The following NXPE2 variants were observed in gnomAD, a reference collection of about 807,000 sequenced individuals.
NXPE2 encodes the protein NXPE family member 2.
A neutral mutation model predicts 34.4 loss-of-function variants in NXPE2; 34 were observed. The observed-to-expected ratio is 0.99, with a 90% CI of 0.75 to 1.31. The LOEUF (loss-of-function observed/expected upper bound fraction) is 1.31, where lower values mean the gene tolerates loss of function less well. NXPE2 is among the 40% of genes most tolerant of loss of function. NXPE2 has a pLI of 0.00. For missense variants in NXPE2, 649 were observed against 672.5 expected, an observed-to-expected ratio of 0.97 and a Z score of 0.39; for synonymous variants, 235 against 231.3, an observed-to-expected ratio of 1.02 and a Z score of -0.15.
chr11:114,579,007 T>G, the NXPE2 span, among the ~76,000 whole-genome samples: 1 of 152,216 alleles, frequency 6.6e-6, no homozygotes, highest in Admixed American at 6.5e-5. Context: ...TTTGCATTGC[T>G]ATAAAGGAAT....
the NXPE2 span, among the ~76,000 whole-genome samples, chr11:114,634,781 T>C: frequency 6.6e-6 from 1 of 152,006 alleles, no homozygotes; most frequent in Non-Finnish European, 1.5e-5. Flanking sequence ...TGTAGATATG[T>C]GGCATTATTT....
chr11:114,704,720 C>A (rs775016488), intron 4 of NXPE2, among the ~76,000 whole-genome samples: 1 of 152,108 alleles, frequency 6.6e-6, no homozygotes, highest in African/African-American at 2.4e-5. Context: ...ATTTGCTAAA[C>A]CCTGTGGAGA....
the NXPE2 span, among the ~76,000 whole-genome samples, chr11:114,554,896 T>G: frequency 6.6e-6 from 1 of 152,206 alleles, no homozygotes; most frequent in African/African-American, 2.4e-5. Flanking sequence ...CTGCCAACCC[T>G]AGAATAAGAC....
the NXPE2 span, among the ~76,000 whole-genome samples, chr11:114,508,712 T>A: frequency 2.4e-3 from 371 of 152,266 alleles, 1 homozygote; most frequent in African/African-American, 8.4e-3. Flanking sequence ...GAAACTGGAC[T>A]CCTTCCTTAC....
the NXPE2 span, among the ~76,000 whole-genome samples, chr11:114,812,758 A>G: frequency 6.6e-6 from 1 of 152,034 alleles, no homozygotes; most frequent in Non-Finnish European, 1.5e-5. Context: ...AAAAAATGAG[A>G]TAGTGGTGTT....
At chr11:114,584,057 G>T in the NXPE2 span, 1 of 316,936 alleles carries the variant, frequency 3.2e-6, no homozygotes, top group Non-Finnish European at 6.2e-6. Flanking sequence ...CTTGTCTAGG[G>T]GTCACTTAGA....
At chr11:114,639,236 T>A in the NXPE2 span, among the ~76,000 whole-genome samples, 1 of 151,832 alleles carries the variant, frequency 6.6e-6, no homozygotes, top group Non-Finnish European at 1.5e-5. Context: ...GTGCGAGCAA[T>A]CAGCGAGACT....
At chr11:114,644,892 T>C in the NXPE2 span, among the ~76,000 whole-genome samples, 1 of 151,034 alleles carries the variant, frequency 6.6e-6, no homozygotes, top group Admixed American at 6.6e-5. Context: ...ACCACTAAGA[T>C]AGAATTAAAA....
chr11:114,607,891 C>T, the NXPE2 span, among the ~76,000 whole-genome samples: 12 of 151,896 alleles, frequency 7.9e-5, no homozygotes, highest in Non-Finnish European at 1.6e-4. Flanking sequence ...AGTACTGCCT[C>T]GTGGGTAACC....
the NXPE2 span, among the ~76,000 whole-genome samples, chr11:114,742,599 C>A: frequency 2.1e-5 from 3 of 144,196 alleles, no homozygotes; most frequent in Non-Finnish European, 4.5e-5. Flanking sequence ...TTCTTACTTT[C>A]TTCAATGTGT....
At chr11:114,631,531 G>C in the NXPE2 span, among the ~76,000 whole-genome samples, 2 of 118,228 alleles carry the variant, frequency 1.7e-5, no homozygotes, top group Non-Finnish European at 3.4e-5. Context: ...TGTGGGGTGG[G>C]GGGAGGGGGG....
At chr11:114,567,802 A>G in the NXPE2 span, among the ~76,000 whole-genome samples, 10 of 151,986 alleles carry the variant, frequency 6.6e-5, no homozygotes, top group Admixed American at 1.3e-4. Flanking sequence ...ATATTCTTTA[A>G]TATGCTTGCC....
At chr11:114,787,913 C>T in the NXPE2 span, among the ~76,000 whole-genome samples, 311 of 152,258 alleles carry the variant, frequency 2.0e-3, 1 homozygote, top group South Asian at 3.9e-3. Context: ...GGCTCTTTCC[C>T]GCTTTCTGCA....
At chr11:114,587,453 G>A in the NXPE2 span, among the ~76,000 whole-genome samples, 10 of 152,292 alleles carry the variant, frequency 6.6e-5, no homozygotes, top group East Asian at 1.9e-4. Flanking sequence ...TAACTGTAAC[G>A]AAGTCTCTCT....
chr11:114,500,803 G>A, the NXPE2 span, among the ~76,000 whole-genome samples: 1 of 152,144 alleles, frequency 6.6e-6, no homozygotes, highest in Non-Finnish European at 1.5e-5. Context: ...TGGTATGAAG[G>A]AGAGGTCAGG....
At chr11:114,485,049 A>T in the NXPE2 span, among the ~76,000 whole-genome samples, 3 of 152,052 alleles carry the variant, frequency 2.0e-5, no homozygotes, top group African/African-American at 7.2e-5. Context: ...TAAATTTCAA[A>T]TTTTTGTGGT....
intron 3 of NXPE2, among the ~76,000 whole-genome samples, chr11:114,702,541 T>C (rs1006455463): frequency 6.6e-6 from 1 of 152,228 alleles, no homozygotes; most frequent in Admixed American, 6.5e-5. Context: ...GCACCTACTA[T>C]ATGCCAACAT....
chr11:114,591,391 T>C, the NXPE2 span, among the ~76,000 whole-genome samples: 1 of 152,218 alleles, frequency 6.6e-6, no homozygotes, highest in Non-Finnish European at 1.5e-5. Flanking sequence ...GTTATTATCC[T>C]CAGTTTTCCT....
chr11:114,580,291 T>C, the NXPE2 span: 2 of 1,614,098 alleles, frequency 1.2e-6, no homozygotes, highest in Non-Finnish European at 8.5e-7. Context: ...CTGGGGATTG[T>C]GGATGTCATT....
Sources: gnomAD v4.1 joint callset for allele counts (sites outside exome capture counted in the v4.1 genomes callset) on GRCh38, gnomAD v4.1.1 for gene constraint, MANE v1.5 for transcripts, NCBI Gene and HGNC (gene_info 2026-07-23, HGNC 2026-07-21) for gene names.